SLC7A2: variants seen among roughly 807,000 people sequenced by gnomAD.
SLC7A2 encodes solute carrier family 7 member 2.
SLC7A2 carries 48 observed loss-of-function variants against 58.9 expected under a neutral mutation model. The observed-to-expected ratio is 0.82, with a 90% CI of 0.65 to 1.04. SLC7A2 has a LOEUF of 1.04. Among genes scored for constraint, SLC7A2 ranks in the 50% least tolerant of loss-of-function variants. The pLI, the probability that SLC7A2 is intolerant of heterozygous loss-of-function variation, is 0.00. For synonymous variants in SLC7A2, 363 were observed against 314.5 expected, an observed-to-expected ratio of 1.15 and a Z score of -1.63; for missense variants, 1,029 against 818.8, an observed-to-expected ratio of 1.26 and a Z score of -3.13.
chr8:17,539,928 A>T (rs968276975), intron 2 of SLC7A2, among the ~76,000 whole-genome samples: 1 of 152,166 alleles, frequency 6.6e-6, no homozygotes, highest in Non-Finnish European at 1.5e-5. Context: ...ACCATTTCAT[A>T]TGGGGAGCTT....
chr8:17,554,866 T>C (rs1367941773), intron 8 of SLC7A2, 167 bp downstream of exon 8: 17 of 1,515,188 alleles, frequency 1.1e-5, no homozygotes, highest in Non-Finnish European at 1.5e-5. Flanking sequence ...TTTTCGTGTG[T>C]CCAGTCTTTA....
chr8:17,507,687 G>C (rs558990400), intron 2 of SLC7A2, among the ~76,000 whole-genome samples: 6 of 152,002 alleles, frequency 3.9e-5, no homozygotes, highest in South Asian at 2.1e-4. Flanking sequence ...AGTGAAAAAA[G>C]AAAAAATACA....
intron 2 of SLC7A2, among the ~76,000 whole-genome samples, chr8:17,509,231 A>C (rs896900321): frequency 1.3e-5 from 2 of 152,238 alleles, no homozygotes; most frequent in African/African-American, 4.8e-5. Context: ...CTTTGTATCC[A>C]TGAATCAGAA....
At chr8:17,560,155 A>T (rs1188975086) in intron 9 of SLC7A2, among the ~76,000 whole-genome samples, 173 bp from the exon 10 acceptor site, 1 of 152,052 alleles carries the variant, frequency 6.6e-6, no homozygotes, top group East Asian at 1.9e-4. Context: ...CAGTTGTTTT[A>T]TCGGAAAGGT....
chr8:17,565,988 G>C lies in SLC7A2; in HGVS notation c.*842G>C, dbSNP rs2150790947. On this transcript the variant is annotated 3_prime_UTR_variant, in exon 13 of 13. Transcript: ENST00000494857. ...TACTTGGGACCCTTTAAATTAAAAA[G>C]TGAAGATAGTCACCAGGGCCAGAAA... 1 of 152,140 alleles carries C rather than the reference G, an allele frequency of 6.6e-6. No homozygotes were observed. Among genetic ancestry groups the C allele is most frequent in the East Asian group, 1.9e-4 (1 of 5,170 alleles). 9.4% of individuals were successfully genotyped at this position (152,140 alleles called of 1,614,324 possible). A position where few individuals can be genotyped will look rare whatever the true frequency, so the allele number is the denominator to read the frequency against.
chr8:17,498,691 T>G (rs1441995587), intron 1 of SLC7A2: 1 of 152,194 alleles, frequency 6.6e-6, no homozygotes, highest in East Asian at 1.9e-4. Flanking sequence ...TTAAGGCATT[T>G]TAATCTTTTA....
At position 17,538,212 on chromosome 8, in the gene SLC7A2, G is replaced by A. The variant is rs1585230259; in HGVS notation, c.-22-5106G>A. ...TATAAAATGGGAGAAAATATCAATG[G>A]TTTTATTACAGTGCTTGTAACTTTG... On this transcript the variant is annotated intron_variant, in intron 2 of 12. Transcript: ENST00000494857. Among the ~76,000 whole-genome samples the A allele has an allele frequency of 2.6e-5, 4 of 152,270 alleles. No homozygotes were observed. In the East Asian group the frequency reaches 5.8e-4, roughly 22 times the overall value.
intron 2 of SLC7A2, among the ~76,000 whole-genome samples, chr8:17,529,538 T>G (rs1051361149): frequency 9.9e-5 from 15 of 151,544 alleles, no homozygotes; most frequent in Admixed American, 8.5e-4. Flanking sequence ...TTTTGTTTTT[T>G]TTTTTTTTGA....
intron 2 of SLC7A2, among the ~76,000 whole-genome samples, chr8:17,512,345 A>T (rs1202272434): frequency 6.6e-6 from 1 of 152,124 alleles, no homozygotes; most frequent in African/African-American, 2.4e-5. Flanking sequence ...TCAGGAGTTT[A>T]AGACCAGCTT....
At chr8:17,503,175 C>T (rs573609549) in intron 2 of SLC7A2, among the ~76,000 whole-genome samples, 1,647 of 151,988 alleles carry the variant, frequency 0.011, 19 homozygotes, top group Middle Eastern at 0.017. Flanking sequence ...CTCAGCCTCC[C>T]GAGTAGCTGG....
chr8:17,498,458 G>A (rs1378587739), intron 1 of SLC7A2, among the ~76,000 whole-genome samples: 2 of 152,172 alleles, frequency 1.3e-5, no homozygotes, highest in Non-Finnish European at 2.9e-5. Context: ...TACCTTGTTA[G>A]GATTGCTTTG....
rs1221320160 is a variant in SLC7A2, at chr8:17,543,490, G to A, written c.151G>A (p.Gly51Arg). The A allele has an allele frequency of 6.2e-6, 10 of 1,614,062 alleles. No homozygotes were observed. Among genetic ancestry groups the A allele is most frequent in the Admixed American group, 1.7e-5 (1 of 59,990 alleles). Residue 51 changes from glycine to arginine, a missense_variant, in exon 3 of 13, where the codon GGG becomes AGG. Physicochemically the swap from Gly to Arg is moderately radical, Grantham distance 125. Coordinates refer to ENST00000494857, the MANE Select transcript of SLC7A2 (RefSeq NM_001370338.1). The part of the protein sequence containing the change: ...ALGVGSTLGA[G>R]VYVLAGEVAK... ...GGGCGTTGGAAGCACCCTTGGGGCC[G>A]GGGTTTATGTCCTCGCTGGGGAGGT...
chr8:17,548,128 G>T (rs1424044244), intron 4 of SLC7A2, among the ~76,000 whole-genome samples: 2 of 152,120 alleles, frequency 1.3e-5, no homozygotes, highest in Non-Finnish European at 2.9e-5. Flanking sequence ...ATCACTTGAG[G>T]TCTGGAGTTC....
At chr8:17,550,564 G>A (rs1802402449) in intron 6 of SLC7A2, 130 bp downstream of exon 6, 15 of 722,946 alleles carry the variant, frequency 2.1e-5, no homozygotes, top group Non-Finnish European at 3.3e-5. Flanking sequence ...TCCAGGCCCA[G>A]CTGTGACACG....
At position 17,526,178 on chromosome 8, in the gene SLC7A2, G is replaced by T. The variant is rs115112982; in HGVS notation, c.-22-17140G>T. ...AATGCTCTGAGTTAGGAACAAGAGG[G>T]GAGGATACCAGAAGGTTTCATTGTA... On this transcript the variant is annotated intron_variant, in intron 2 of 12. Transcript: ENST00000494857. Among the ~76,000 whole-genome samples, 988 of 152,248 alleles carry T rather than the reference G, an allele frequency of 6.5e-3. 9 individuals carry two copies. Among genetic ancestry groups the T allele is most frequent in the African/African-American group, 0.022 (926 of 41,540 alleles).
chr8:17,554,831 C>T, intron 8 of SLC7A2, 132 bp downstream of exon 8: 1 of 1,447,736 alleles, frequency 6.9e-7, no homozygotes, highest in Non-Finnish European at 9.3e-7. Flanking sequence ...TGAGTGTTTC[C>T]TATTTTGAAT....
Position 17,560,409 on chromosome 8 carries a change from G to A in SLC7A2, c.1380G>A (p.Ser460=), listed in dbSNP as rs747857088. ...TGGGATCGTCTCCCAGGGTAACCTC[G>A]AAGAGTGAGTCCCAGGTCACCATGC... ...DGLGSSPRVT[S]KSESQVTMLQ... is the part of the protein sequence containing the mutation. The change falls in exon 10 of 13, where the codon TCG becomes TCA. Residue 460 remains serine (S), a synonymous_variant. Coordinates refer to ENST00000494857, the MANE Select transcript of SLC7A2 (RefSeq NM_001370338.1). 24 of 1,614,092 alleles carry A rather than the reference G, an allele frequency of 1.5e-5. No homozygotes were observed. Among genetic ancestry groups the A allele is most frequent in the Non-Finnish European group, 1.7e-5 (20 of 1,179,966 alleles).
At chr8:17,554,915 CAT>C (rs767770594) in intron 8 of SLC7A2, 490 of 1,611,496 alleles carry the variant, frequency 3.0e-4, no homozygotes, top group Middle Eastern at 5.0e-4. Context: ...TAAAATAACT[CAT>C]GTGTGGATTT....
chr8:17,535,327 A>G (rs563958855), intron 2 of SLC7A2, among the ~76,000 whole-genome samples: 49 of 152,056 alleles, frequency 3.2e-4, no homozygotes, highest in Middle Eastern at 6.8e-3. Context: ...GAGCTTTCAG[A>G]TGGCTAAATT....
Sources: allele counts gnomAD v4.1 joint callset (sites outside exome capture counted in the v4.1 genomes callset), GRCh38; gene constraint gnomAD v4.1.1; transcripts MANE v1.5; gene names NCBI Gene and HGNC (gene_info 2026-07-23, HGNC 2026-07-21).